WHRN: variants seen among roughly 807,000 people sequenced by gnomAD.
The protein encoded by WHRN is CASK-interacting protein CIP98.
In WHRN, 41 loss-of-function variants were observed where a neutral mutation model predicts 68.3. The observed-to-expected ratio is 0.60, with a 90% confidence interval of 0.47 to 0.78. WHRN has a LOEUF of 0.78. WHRN is among the 30% of genes least tolerant of loss of function. The pLI is 0.00. For synonymous variants in WHRN, 560 were observed against 561.3 expected (o/e 1.00, Z 0.03); for missense variants, 1,243 against 1,244.7 (o/e 1.00, Z 0.02).
chr9:114,504,341 A>C lies in WHRN; in HGVS notation c.461T>G (p.Phe154Cys). The change falls in exon 1 of 12, where the codon TTC becomes TGC. Residue 154 changes from phenylalanine (F) to cysteine (C), a missense_variant. Coordinates refer to ENST00000362057, the MANE Select transcript of WHRN (RefSeq NM_015404.4). ...RRAKAHEGLG[F>C]SIRGGSEHGV... is the part of the protein sequence containing the mutation. ...GTGCTCCGAGCCCCCACGGATGCTG[A>C]AGCCCAAGCCCTCGTGGGCCTTGGC... The C allele has an allele frequency of 6.2e-7, 1 of 1,609,752 alleles. No homozygotes were observed. Among genetic ancestry groups the C allele is most frequent in the Admixed American group, 1.7e-5 (1 of 60,032 alleles).
chr9:114,426,384 C>T lies in WHRN; in HGVS notation c.993G>A (p.Gly331=), dbSNP rs1026262740. The change falls in exon 4 of 12, where the codon GGG becomes GGA. Residue 331 remains glycine, a synonymous_variant. Transcript: ENST00000362057. ...CGTGTAGGATGTTGAGAAAGCTCCG[C>T]CCATTCACTTCTAGAATCTGGTCCC... is the stretch of plus-strand genomic sequence containing the variant. ...KVGDQILEVN[G]RSFLNILHDE... is the part of the protein sequence containing the mutation. The T allele has an allele frequency of 2.0e-5, 32 of 1,613,698 alleles. No homozygotes were observed. The highest frequency in any genetic ancestry group is 5.0e-5 in the Admixed American group (3 of 60,008).
chr9:114,504,636 C>T lies in WHRN; in HGVS notation c.166G>A (p.Glu56Lys). 1 of 1,608,346 alleles carries T rather than the reference C, an allele frequency of 6.2e-7. No homozygotes were observed. Among genetic ancestry groups the T allele is most frequent in the Non-Finnish European group, 8.5e-7 (1 of 1,178,156 alleles). Residue 56 changes from glutamate (E) to lysine (K), a missense_variant, in exon 1 of 12, where the codon GAG becomes AAG. Transcript: ENST00000362057. ...GCGTTCAGGCAGTGGGTGAACTGCT[C>T]CCGCTCCGCCTCGCTCAGCAGCGCG... ...LTALLSEAER[E>K]QFTHCLNAYH...
intron 2 of WHRN, among the ~76,000 whole-genome samples, chr9:114,475,001 C>G (rs1452103635): frequency 6.6e-6 from 1 of 152,148 alleles, no homozygotes; most frequent in Admixed American, 6.5e-5. Flanking sequence ...AACAGAATAA[C>G]AGGTGCTGGC....
At chr9:114,412,063 C>A (rs938370862) in intron 7 of WHRN, among the ~76,000 whole-genome samples, 1 of 151,898 alleles carries the variant, frequency 6.6e-6, no homozygotes, top group South Asian at 2.1e-4. Context: ...GAGGGGTAGA[C>A]GAGGGATGAA....
intron 5 of WHRN, 74 bp downstream of exon 5, chr9:114,424,913 AC>A (rs1836680111): frequency 6.6e-7 from 1 of 1,509,664 alleles, no homozygotes; most frequent in Non-Finnish European, 9.2e-7. Flanking sequence ...GTCACTCGGC[AC>A]CCTCTGGCTG....
intron 2 of WHRN, 63 bp from the exon 3 acceptor site, chr9:114,466,455 G>C (rs1442013418): frequency 4.0e-5 from 65 of 1,607,462 alleles, no homozygotes; most frequent in Non-Finnish European, 5.2e-5. Flanking sequence ...GGGACAGCAG[G>C]CTGCAAAGCC....
chr9:114,462,476 C>T (rs983607710), intron 3 of WHRN, among the ~76,000 whole-genome samples: 12 of 152,148 alleles, frequency 7.9e-5, no homozygotes, highest in African/African-American at 1.9e-4. Context: ...TTCACACAGC[C>T]GGTCAGTGGA....
chr9:114,440,599 A>G (rs1380969293), intron 3 of WHRN, among the ~76,000 whole-genome samples: 1 of 152,218 alleles, frequency 6.6e-6, no homozygotes, highest in Non-Finnish European at 1.5e-5. Context: ...AATACATGGC[A>G]CCATTCACAG....
At chr9:114,478,512 C>A (rs777966711) in intron 2 of WHRN, 41 bp downstream of exon 2, 1 of 1,603,818 alleles carries the variant, frequency 6.2e-7, no homozygotes, top group East Asian at 2.2e-5. Context: ...AGGGAGAATA[C>A]GGTGTCTGAG....
intron 11 of WHRN, 125 bp from the exon 12 acceptor site, chr9:114,403,061 T>G (rs933206570): frequency 1.3e-6 from 2 of 1,530,680 alleles, no homozygotes; most frequent in Non-Finnish European, 1.8e-6. Context: ...ACTTCTCGGA[T>G]TAGGAAAGCT....
intron 3 of WHRN, among the ~76,000 whole-genome samples, chr9:114,463,046 G>A (rs751839012): frequency 1.1e-4 from 17 of 152,130 alleles, no homozygotes; most frequent in Admixed American, 2.0e-4. Flanking sequence ...CACCAACAAC[G>A]TTACGTAAGC....
chr9:114,444,807 T>C (rs894550907), intron 3 of WHRN, among the ~76,000 whole-genome samples: 4 of 151,766 alleles, frequency 2.6e-5, no homozygotes, highest in East Asian at 1.9e-4. Context: ...TATATATATA[T>C]ATGCACACCT....
intron 4 of WHRN, chr9:114,425,287 C>A: frequency 1.6e-6 from 1 of 635,462 alleles, no homozygotes; most frequent in Non-Finnish European, 2.8e-6. Flanking sequence ...GTTGCCAACC[C>A]CGCAGGACCA....
At position 114,409,633 on chromosome 9, in the gene WHRN, CCT is replaced by C. The variant is rs200081702; in HGVS notation, c.1627-1617_1627-1616del. On this transcript the variant is annotated intron_variant, in intron 7 of 11. Coordinates refer to ENST00000362057, the MANE Select transcript of WHRN (RefSeq NM_015404.4). ...CTACGAAGATCCCCTTTGCTCACAT[CCT>C]CTCCAGCCAGGCTGGAACACCACGG... Among the ~76,000 whole-genome samples, 1,424 of 152,028 alleles carry C rather than the reference CCT, an allele frequency of 9.4e-3. 27 individuals carry two copies. Among genetic ancestry groups the C allele is most frequent in the Non-Finnish European group, 0.011 (735 of 68,004 alleles).
chr9:114,493,455 A>G (rs1278923604), intron 1 of WHRN, among the ~76,000 whole-genome samples: 1 of 152,106 alleles, frequency 6.6e-6, no homozygotes, highest in East Asian at 1.9e-4. Context: ...CCTATGACCA[A>G]ACAAAATGCC....
At chr9:114,410,069 C>A (rs2132237206) in intron 7 of WHRN, among the ~76,000 whole-genome samples, 1 of 152,288 alleles carries the variant, frequency 6.6e-6, no homozygotes, top group South Asian at 2.1e-4. Flanking sequence ...GCCGCTCTCA[C>A]TCTGCACCAC....
intron 3 of WHRN, among the ~76,000 whole-genome samples, chr9:114,449,578 A>C (rs981748335): frequency 6.6e-6 from 1 of 152,238 alleles, no homozygotes; most frequent in African/African-American, 2.4e-5. Flanking sequence ...ACTCATTCAG[A>C]GAGGCCATTT....
In WHRN at chr9:114,426,406, T is replaced by G; in HGVS notation, c.971A>C (p.Asp324Ala). ...EAEGSGLKVG[D>A]QILEVNGRSF... ...CCGCCCATTCACTTCTAGAATCTGG[T>G]CCCCAACCTGCCAAGATCACCACAC... Residue 324 changes from aspartate to alanine, a missense_variant, in exon 4 of 12, where the codon GAC (aspartate) becomes GCC (alanine). Transcript: ENST00000362057. The G allele has an allele frequency of 6.2e-7, 1 of 1,613,338 alleles. No individual in the cohort carries two copies. Among genetic ancestry groups the G allele is most frequent in the Non-Finnish European group, 8.5e-7 (1 of 1,179,868 alleles).
At chr9:114,430,917 T>A (rs1837367435) in intron 3 of WHRN, among the ~76,000 whole-genome samples, 1 of 152,166 alleles carries the variant, frequency 6.6e-6, no homozygotes, top group Admixed American at 6.5e-5. Flanking sequence ...CTCCGCAGCA[T>A]GTGAGTTGGT....
Sources: gnomAD v4.1 joint callset for allele counts (sites outside exome capture counted in the v4.1 genomes callset) on GRCh38, gnomAD v4.1.1 for gene constraint, MANE v1.5 for transcripts, NCBI Gene and HGNC (gene_info 2026-07-23, HGNC 2026-07-21) for gene names.